Variants in LRRK1 observed in about 807,000 individuals in gnomAD.
LRRK1 encodes the protein leucine-rich repeat serine/threonine-protein kinase 1.
In LRRK1, 113 loss-of-function variants were observed where a neutral mutation model predicts 209.1. That is an observed-to-expected ratio of 0.54 (90% CI 0.46 to 0.63). The LOEUF (loss-of-function observed/expected upper bound fraction) is 0.63, where lower values mean the gene tolerates loss of function less well. Among genes scored for constraint, LRRK1 ranks in the 30% least tolerant of loss-of-function variants. The pLI is 0.00. For synonymous variants in LRRK1, 1,144 were observed against 1,099.7 expected (o/e 1.04, Z -0.80); for missense variants, 2,284 against 2,632.2 (o/e 0.87, Z 2.89).
At chr15:100,945,219 G>A (rs2042512835) in intron 2 of LRRK1, among the ~76,000 whole-genome samples, 2 of 152,180 alleles carry the variant, frequency 1.3e-5, no homozygotes, top group African/African-American at 4.8e-5. Flanking sequence ...CGAAAAATCT[G>A]ACAGATGTTG....
intron 4 of LRRK1, among the ~76,000 whole-genome samples, chr15:100,984,088 A>AT (rs2031742795): frequency 6.6e-6 from 1 of 152,210 alleles, no homozygotes; most frequent in South Asian, 2.1e-4. Context: ...TTACACAAGA[A>AT]TATCTAGGTA....
intron 4 of LRRK1, 57 bp from the exon 5 acceptor site, chr15:100,988,577 G>A: frequency 3.2e-6 from 5 of 1,545,054 alleles, no homozygotes; most frequent in Non-Finnish European, 4.5e-6. Context: ...AGAGCAGAGT[G>A]GGAACAAACA....
At chr15:101,012,774 C>T (rs1596272501) in intron 10 of LRRK1, among the ~76,000 whole-genome samples, 1 of 152,336 alleles carries the variant, frequency 6.6e-6, no homozygotes, top group African/African-American at 2.4e-5. Flanking sequence ...AAGGCCCCTT[C>T]AGCATGTGTA....
At chr15:101,049,171 A>C (rs1005300196) in intron 22 of LRRK1, among the ~76,000 whole-genome samples, 10 of 151,218 alleles carry the variant, frequency 6.6e-5, no homozygotes, top group Non-Finnish European at 1.3e-4. Flanking sequence ...AACGAATGAT[A>C]AACACCCAAG....
chr15:100,988,661 A>T lies in LRRK1; in HGVS notation c.461A>T (p.Asn154Ile), dbSNP rs1174295697. Residue 154 changes from asparagine (N) to isoleucine (I), a missense_variant, in exon 5 of 34, where the codon AAC (asparagine) becomes ATC (isoleucine). By Grantham distance (149) the Asn-to-Ile change is moderately radical (BLOSUM62 -3). This residue lies in a region of LRRK1 where 134 missense variants were observed against 191.7 expected (regional missense o/e 0.70). Transcript: ENST00000388948. ...CCCTGCAGTCCCCAGCGGCTTCTGA[A>T]CTGGATGCTGGCCTTGGCTTGCCAG... ...PGPCSPQRLL[N>I]WMLALACQRG... The T allele has an allele frequency of 1.2e-6, 2 of 1,614,146 alleles. No homozygotes were observed. Among genetic ancestry groups the T allele is most frequent in the Non-Finnish European group, 1.7e-6 (2 of 1,180,012 alleles).
chr15:100,971,925 T>C (rs2030910546), intron 2 of LRRK1, among the ~76,000 whole-genome samples: 2 of 152,030 alleles, frequency 1.3e-5, no homozygotes, highest in Non-Finnish European at 2.9e-5. Context: ...CTCAAGATAA[T>C]GACCTCCAGT....
At chr15:100,966,668 G>C (rs1317636458) in intron 2 of LRRK1, among the ~76,000 whole-genome samples, 1 of 152,156 alleles carries the variant, frequency 6.6e-6, no homozygotes. Flanking sequence ...CCAACAACTT[G>C]ATTGGACCAG....
intron 2 of LRRK1, among the ~76,000 whole-genome samples, chr15:100,968,318 G>A (rs1396331445): frequency 6.6e-6 from 1 of 152,158 alleles, no homozygotes; most frequent in Non-Finnish European, 1.5e-5. Context: ...AATATTGTTG[G>A]ATACATTTCT....
At position 101,053,304 on chromosome 15, in the gene LRRK1, C is replaced by G; in HGVS notation, c.3938C>G (p.Ala1313Gly). The change falls in exon 26 of 34, where the codon GCG becomes GGG. Residue 1313 changes from alanine (A) to glycine (G), a missense_variant. Ala to Gly is a moderately conservative substitution (Grantham distance 60). This residue lies in a region of LRRK1 where 780 missense variants were observed against 985.2 expected (regional missense o/e 0.79). Coordinates refer to ENST00000388948, the MANE Select transcript of LRRK1 (RefSeq NM_024652.6). ...EFRQEASMLH[A>G]LQHPCIVALI... ...CGGCAGGAGGCCAGCATGCTGCACG[C>G]GCTGCAGCACCCCTGCATCGTGGCG... is the stretch of plus-strand genomic sequence containing the variant. 1.2e-6 allele frequency: 2 copies of G among 1,605,708 alleles called. No homozygotes were observed. Among genetic ancestry groups the G allele is most frequent in the Non-Finnish European group, 1.7e-6 (2 of 1,179,726 alleles).
intron 20 of LRRK1, among the ~76,000 whole-genome samples, chr15:101,044,430 C>T (rs1391372713): frequency 6.6e-6 from 1 of 152,224 alleles, no homozygotes; most frequent in African/African-American, 2.4e-5. Flanking sequence ...GAAGAATTTA[C>T]CTCTTAGGAC....
chr15:100,975,271 T>C (rs982042696), intron 3 of LRRK1, among the ~76,000 whole-genome samples: 2 of 152,250 alleles, frequency 1.3e-5, no homozygotes, highest in Non-Finnish European at 2.9e-5. Flanking sequence ...CCAGAGATAG[T>C]GGCTCATTCC....
At chr15:100,969,584 A>C (rs2030724142) in intron 2 of LRRK1, among the ~76,000 whole-genome samples, 1 of 152,050 alleles carries the variant, frequency 6.6e-6, no homozygotes, top group South Asian at 2.1e-4. Flanking sequence ...TACTGCACAG[A>C]TCATCCCATC....
chr15:101,013,686 T>G (rs528638477), intron 10 of LRRK1, among the ~76,000 whole-genome samples: 1 of 152,282 alleles, frequency 6.6e-6, no homozygotes, highest in South Asian at 2.1e-4. Context: ...TAGCCCCTCA[T>G]CCCCCTTGGT....
At chr15:101,061,423 T>A in intron 30 of LRRK1, 135 bp downstream of exon 30, 1 of 632,188 alleles carries the variant, frequency 1.6e-6, no homozygotes. Flanking sequence ...CGCATCCCCG[T>A]GCAGTCCCCA....
chr15:101,068,892 G>A lies in LRRK1; in HGVS notation c.*44G>A, dbSNP rs1008466126. On this transcript the variant is annotated 3_prime_UTR_variant, in exon 34 of 34. Coordinates refer to ENST00000388948, the MANE Select transcript of LRRK1 (RefSeq NM_024652.6). ...CACACATCAGAGCTGGCTGGCCCGG[G>A]GCTGCAGCCTGACCCCTCTGCCATC... 1.3e-6 allele frequency: 2 copies of A among 1,527,690 alleles called. No individual in the cohort carries two copies. Among genetic ancestry groups the A allele is most frequent in the African/African-American group, 2.8e-5 (2 of 72,474 alleles). 94.6% of individuals were successfully genotyped at this position (1,527,690 alleles called of 1,614,324 possible).
chr15:100,973,669 C>T lies in LRRK1; in HGVS notation c.98-135C>T, dbSNP rs1264984290. 7 of 908,222 alleles carry T rather than the reference C, an allele frequency of 7.7e-6. No homozygotes were observed. The Middle Eastern group carries it at 1.2e-3, about 152-fold the overall frequency. 56.3% of individuals were successfully genotyped at this position (908,222 alleles called of 1,614,324 possible). On this transcript the variant is annotated intron_variant, in intron 2 of 33. Coordinates refer to ENST00000388948, the MANE Select transcript of LRRK1 (RefSeq NM_024652.6). ...GGCGAGCGCAGGGAGCGTCGCGGGG[C>T]CACCCCTCTCTCTTCCTGAAGCCCC... is the stretch of plus-strand genomic sequence containing the variant.
At chr15:101,041,827 T>C (rs2034771842) in intron 20 of LRRK1, among the ~76,000 whole-genome samples, 4 of 152,208 alleles carry the variant, frequency 2.6e-5, no homozygotes. Flanking sequence ...TGAAGTTTAA[T>C]TGTAAACCAG....
At chr15:101,063,883 A>C (rs1202233935) in intron 31 of LRRK1, among the ~76,000 whole-genome samples, 1 of 151,900 alleles carries the variant, frequency 6.6e-6, no homozygotes. Flanking sequence ...GAGGCTACGC[A>C]GCTTGGGACC....
In LRRK1 at chr15:101,009,072, C is replaced by T. The variant is rs188800815; in HGVS notation, c.989+9C>T. 1 of 1,604,286 alleles carries T rather than the reference C, an allele frequency of 6.2e-7. No individual in the cohort carries two copies. The highest frequency in any genetic ancestry group is 1.3e-5 in the African/African-American group (1 of 74,824). On this transcript the variant is annotated intron_variant, in intron 7 of 33. Coordinates refer to ENST00000388948, the MANE Select transcript of LRRK1 (RefSeq NM_024652.6). Reference sequence around the variant, plus strand: ...GAAATCATCTGTTCCAGGTGGCTCCCCGGGGTGTGACCGGAGCCGTGTGTG... The same window carrying T: ...GAAATCATCTGTTCCAGGTGGCTCCTCGGGGTGTGACCGGAGCCGTGTGTG...
Sources: allele counts gnomAD v4.1 joint callset (sites outside exome capture counted in the v4.1 genomes callset), GRCh38; gene constraint gnomAD v4.1.1; regional missense constraint gnomAD v4.1.1; transcripts MANE v1.5; gene names NCBI Gene and HGNC (gene_info 2026-07-23, HGNC 2026-07-21).